CREB5: variants seen among roughly 807,000 people sequenced by gnomAD.
The protein encoded by CREB5 is cyclic AMP-responsive element-binding protein 5.
CREB5 carries 19 observed loss-of-function variants against 57.1 expected under a neutral mutation model. That is an observed-to-expected ratio of 0.33 (90% CI 0.23 to 0.49). CREB5 has a LOEUF of 0.49. Ranked by LOEUF, CREB5 falls within the 20% of genes least tolerant of loss-of-function variation. The probability of loss-of-function intolerance (pLI) is 0.99; values close to 1 mark genes in which losing one functional copy is unlikely to be tolerated. For synonymous variants in CREB5, 238 were observed against 238.3 expected (o/e 1.00, Z 0.01); for missense variants, 579 against 671.6 (o/e 0.86, Z 1.52).
At chr7:28,550,957 T>A (rs530275170) in intron 4 of CREB5, among the ~76,000 whole-genome samples, 23 of 152,278 alleles carry the variant, frequency 1.5e-4, no homozygotes, top group African/African-American at 5.1e-4. Context: ...ATGCCAAATG[T>A]TCATAGGAAC....
intron 5 of CREB5, among the ~76,000 whole-genome samples, chr7:28,609,306 G>A (rs146656150): frequency 3.9e-5 from 6 of 152,316 alleles, no homozygotes; most frequent in African/African-American, 1.4e-4. Flanking sequence ...GCTTTGGACA[G>A]TGCTGGGCTG....
intron 1 of CREB5, among the ~76,000 whole-genome samples, chr7:28,388,392 C>T (rs1485240288): frequency 6.6e-6 from 1 of 152,180 alleles, no homozygotes; most frequent in African/African-American, 2.4e-5. Context: ...AATTCCCCAT[C>T]TTGCTTAGGC....
chr7:28,478,099 A>G (rs1791157423), intron 1 of CREB5, among the ~76,000 whole-genome samples: 1 of 152,170 alleles, frequency 6.6e-6, no homozygotes, highest in Non-Finnish European at 1.5e-5. Context: ...GAGAGAGACC[A>G]TGTCTCAAAA....
rs376480957 is a variant in CREB5 at position 28,495,011 on chromosome 7, T to A, written c.169+12T>A. On this transcript the variant is annotated intron_variant, in intron 3 of 10. Coordinates refer to ENST00000357727, the MANE Select transcript of CREB5 (RefSeq NM_182898.4). ...CAATATGTTATCAGGTAAGGAGCCA[T>A]CAGGAAAAGAAGCTTTGGGTGATCA... The A allele has an allele frequency of 2.4e-4, 370 of 1,573,822 alleles. No homozygotes were observed. Among genetic ancestry groups the A allele is most frequent in the Non-Finnish European group, 2.9e-4 (338 of 1,163,460 alleles).
intron 7 of CREB5, among the ~76,000 whole-genome samples, chr7:28,752,286 C>T (rs965353683): frequency 4.6e-5 from 7 of 152,198 alleles, no homozygotes; most frequent in African/African-American, 9.7e-5. Flanking sequence ...CCTGCCTCAA[C>T]CTCCCAAGTA....
At chr7:28,744,345 T>G (rs1158926118) in intron 7 of CREB5, among the ~76,000 whole-genome samples, 3 of 132,310 alleles carry the variant, frequency 2.3e-5, no homozygotes, top group Non-Finnish European at 4.9e-5. Flanking sequence ...TACCTCTTTT[T>G]TTTTTTTTTT....
chr7:28,382,879 T>C lies in CREB5; in HGVS notation c.-25+83438T>C, dbSNP rs77648331. Among the ~76,000 whole-genome samples, 916 of 151,676 alleles carry C rather than the reference T, an allele frequency of 6.0e-3. 10 individuals carry two copies. Among genetic ancestry groups the C allele is most frequent in the African/African-American group, 0.021 (873 of 41,294 alleles). On this transcript the variant is annotated intron_variant, in intron 1 of 9. Coordinates refer to the CREB5 transcript ENST00000396299. Reference sequence around the variant, plus strand: ...TTTGTCCCTTTCTCCCAAGTTATCATGAGAAAAAAACTAAATTTAATGAAC... The same window carrying C: ...TTTGTCCCTTTCTCCCAAGTTATCACGAGAAAAAAACTAAATTTAATGAAC...
intron 3 of CREB5, among the ~76,000 whole-genome samples, chr7:28,502,165 T>C (rs1272403198): frequency 1.3e-5 from 2 of 152,196 alleles, no homozygotes; most frequent in Non-Finnish European, 2.9e-5. Flanking sequence ...TCCTATTATA[T>C]ATTCACACTC....
chr7:28,744,426 C>T (rs1020680846), intron 7 of CREB5, among the ~76,000 whole-genome samples: 6 of 146,350 alleles, frequency 4.1e-5, no homozygotes, highest in Non-Finnish European at 8.9e-5. Context: ...CAGCTCACTG[C>T]AGCTTCCGCC....
chr7:28,598,822 G>A (rs536123575), intron 5 of CREB5, among the ~76,000 whole-genome samples: 1 of 152,106 alleles, frequency 6.6e-6, no homozygotes. Flanking sequence ...ATGGACGCGG[G>A]GGAGTCTATG....
At chr7:28,658,311 G>A (rs567565034) in intron 5 of CREB5, among the ~76,000 whole-genome samples, 5 of 152,230 alleles carry the variant, frequency 3.3e-5, no homozygotes, top group East Asian at 3.9e-4. Context: ...GTGATTGTAC[G>A]AACTCAGAAA....
chr7:28,764,219 C>T (rs1040917822), intron 7 of CREB5, among the ~76,000 whole-genome samples: 7 of 152,012 alleles, frequency 4.6e-5, no homozygotes, highest in Non-Finnish European at 1.0e-4. Context: ...TGAATACACC[C>T]CTAGGTTCTT....
At position 28,744,001 on chromosome 7, in the gene CREB5, TC is replaced by T. The variant is rs1343895645; in HGVS notation, c.702+19674del. ...ATCTCCCAATGCTATCCCTCCCCCC[TC>T]CCCCGACCCCACCACAGTCCCCAGA... On this transcript the variant is annotated intron_variant, in intron 7 of 10. Coordinates refer to ENST00000357727, the MANE Select transcript of CREB5 (RefSeq NM_182898.4). Among the ~76,000 whole-genome samples the T allele has an allele frequency of 1.9e-4, 10 of 52,424 alleles. No homozygotes were observed. In the East Asian group the frequency reaches 6.8e-3, roughly 36 times the overall value. 34.4% of individuals were successfully genotyped at this position (52,424 alleles called of 152,430 possible). A position where few individuals can be genotyped will look rare whatever the true frequency, so the allele number is the denominator to read the frequency against.
intron 4 of CREB5, among the ~76,000 whole-genome samples, chr7:28,551,841 CTT>C (rs1180223772): frequency 5.3e-4 from 78 of 147,016 alleles, no homozygotes; most frequent in African/African-American, 1.5e-3. Flanking sequence ...TTCTTTCTTT[CTT>C]TTTCTTTCTT....
chr7:28,815,205 A>G (rs1369459295), intron 9 of CREB5, among the ~76,000 whole-genome samples: 3 of 152,216 alleles, frequency 2.0e-5, no homozygotes, highest in African/African-American at 7.2e-5. Flanking sequence ...CCCAGGAGGT[A>G]GAGGCTGCAG....
chr7:28,820,392 AGCT>A lies in CREB5; in HGVS notation c.*1117_*1119del, dbSNP rs1442782665. 1 of 151,054 alleles carries A rather than the reference AGCT, an allele frequency of 6.6e-6. No homozygotes were observed. Among genetic ancestry groups the A allele is most frequent in the Non-Finnish European group, 1.5e-5 (1 of 67,854 alleles). 9.4% of individuals were successfully genotyped at this position (151,054 alleles called of 1,614,324 possible). ...ACACAGATTACATTGTTCAATCATC[AGCT>A]GCTAATAGCCTAAGATTTATTTTTT... On this transcript the variant is annotated 3_prime_UTR_variant, in exon 11 of 11. Transcript: ENST00000357727.
intron 7 of CREB5, among the ~76,000 whole-genome samples, chr7:28,746,469 G>A (rs565526726): frequency 1.3e-5 from 2 of 152,282 alleles, no homozygotes; most frequent in African/African-American, 4.8e-5. Context: ...CAGAATCCCT[G>A]GCCCCACCTC....
intron 7 of CREB5, among the ~76,000 whole-genome samples, chr7:28,756,650 G>A (rs1362542498): frequency 6.6e-6 from 1 of 151,894 alleles, no homozygotes; most frequent in Non-Finnish European, 1.5e-5. Context: ...TCTTCCAGAA[G>A]TGTGAAGTGT....
Position 28,359,228 on chromosome 7 carries a change from A to AT in CREB5, c.-25+59787_-25+59788insT, listed in dbSNP as rs774961920. Reference sequence around the variant, plus strand: ...CGAATACACACACAAAACAAATAAAAAAAAAAAAGCTTTAAGTACTGGCTG... The same window carrying AT: ...CGAATACACACACAAAACAAATAAAATAAAAAAAAGCTTTAAGTACTGGCTG... On this transcript the variant is annotated intron_variant, in intron 1 of 9. Transcript: ENST00000396299. Among the ~76,000 whole-genome samples, 332 of 152,132 alleles carry AT rather than the reference A, an allele frequency of 2.2e-3. 3 individuals carry two copies. Among genetic ancestry groups the AT allele is most frequent in the Non-Finnish European group, 3.3e-3 (223 of 67,974 alleles).
Sources: allele counts gnomAD v4.1 joint callset (sites outside exome capture counted in the v4.1 genomes callset), GRCh38; gene constraint gnomAD v4.1.1; transcripts MANE v1.5; gene names NCBI Gene and HGNC (gene_info 2026-07-23, HGNC 2026-07-21).